Variants in PDS5B observed in about 807,000 individuals in gnomAD.
PDS5B encodes sister chromatid cohesion protein PDS5 homolog B.
A neutral mutation model predicts 184.1 loss-of-function variants in PDS5B; 51 were observed. The ratio of observed to expected loss-of-function variants is 0.28; its 90% confidence interval spans 0.22 to 0.35. The LOEUF is 0.35. Ranked by LOEUF, PDS5B falls within the 10% of genes least tolerant of loss-of-function variation. The pLI is 1.00. For synonymous variants in PDS5B, 566 were observed against 569.2 expected (o/e 0.99, Z 0.08); for missense variants, 1,180 against 1,723.3 (o/e 0.68, Z 5.58).
intron 24 of PDS5B, among the ~76,000 whole-genome samples, chr13:32,751,823 G>C (rs539997592): frequency 1.6e-3 from 245 of 152,068 alleles, no homozygotes; most frequent in Middle Eastern, 3.4e-3. Context: ...CTCTGTTGAT[G>C]GTTTGTTTCT....
intron 1 of PDS5B, among the ~76,000 whole-genome samples, chr13:32,625,862 G>A (rs1457392407): frequency 6.7e-6 from 1 of 148,438 alleles, no homozygotes; most frequent in Non-Finnish European, 1.5e-5. Context: ...TTTTGAGACA[G>A]GGTCTCGCTT....
At chr13:32,720,263 G>A (rs922483343) in intron 19 of PDS5B, among the ~76,000 whole-genome samples, 2 of 152,090 alleles carry the variant, frequency 1.3e-5, no homozygotes, top group Non-Finnish European at 2.9e-5. Flanking sequence ...AAGCAATTAT[G>A]TGATGCAACC....
At chr13:32,630,827 C>T (rs1277054385) in intron 1 of PDS5B, among the ~76,000 whole-genome samples, 8 of 151,264 alleles carry the variant, frequency 5.3e-5, no homozygotes, top group Admixed American at 5.3e-4. Flanking sequence ...CACTTCTGTC[C>T]AGGCTGGAGT....
chr13:32,595,912 G>A (rs1463555516), intron 1 of PDS5B, among the ~76,000 whole-genome samples: 3 of 152,060 alleles, frequency 2.0e-5, no homozygotes, highest in Non-Finnish European at 4.4e-5. Context: ...AGTTACTTTG[G>A]GATCTAGCAA....
At chr13:32,715,032 G>A (rs1176547524) in intron 19 of PDS5B, among the ~76,000 whole-genome samples, 1 of 152,204 alleles carries the variant, frequency 6.6e-6, no homozygotes, top group Non-Finnish European at 1.5e-5. Flanking sequence ...ACTAATAAAT[G>A]TCCATGAAAC....
intron 14 of PDS5B, 34 bp from the exon 15 acceptor site, chr13:32,696,820 A>G: frequency 6.6e-7 from 1 of 1,525,342 alleles, no homozygotes; most frequent in Non-Finnish European, 9.0e-7. Context: ...TTGTTAGGGA[A>G]TTTTAATTTT....
intron 24 of PDS5B, 60 bp from the exon 25 acceptor site, chr13:32,753,272 C>A: frequency 7.3e-7 from 1 of 1,373,796 alleles, no homozygotes; most frequent in Non-Finnish European, 1.0e-6. Context: ...AATTTTATAT[C>A]TGAAGTTGTT....
chr13:32,589,724 G>A (rs897084451), intron 1 of PDS5B, among the ~76,000 whole-genome samples: 1 of 152,026 alleles, frequency 6.6e-6, no homozygotes, highest in Non-Finnish European at 1.5e-5. Context: ...ATTCCTGTTC[G>A]GGAATGTTAA....
At chr13:32,689,249 A>T (rs1017738345) in intron 13 of PDS5B, 1 of 152,180 alleles carries the variant, frequency 6.6e-6, no homozygotes, top group African/African-American at 2.4e-5. Context: ...TTAAATGTTG[A>T]GAAATTTGAG....
At chr13:32,596,148 T>C (rs532469454) in intron 1 of PDS5B, among the ~76,000 whole-genome samples, 1 of 152,364 alleles carries the variant, frequency 6.6e-6, no homozygotes, top group East Asian at 1.9e-4. Flanking sequence ...ATTATACACA[T>C]GTAACCAATA....
intron 1 of PDS5B, among the ~76,000 whole-genome samples, chr13:32,646,374 T>C (rs1460461988): frequency 1.8e-5 from 1 of 56,734 alleles, no homozygotes; most frequent in Admixed American, 1.7e-4. Context: ...GCTGTGTTTT[T>C]TTTTTTTTTT....
In PDS5B at chr13:32,741,041, A is replaced by G. The variant is rs530802777; in HGVS notation, c.2407-39A>G. The G allele has an allele frequency of 2.1e-4, 232 of 1,126,832 alleles. 3 individuals are homozygous for G. The East Asian group carries it at 5.4e-3, about 26-fold the overall frequency. The allele number at this position is 1,126,832 out of a possible 1,614,324, so 69.8% of individuals were successfully genotyped here. The stretch of plus-strand genomic sequence containing the variant: ...TGAAAAGAATTCATATTTACATTTT[A>G]AAGTCCCTGGTTTTTTTTTTTTTCT... On this transcript the variant is annotated intron_variant, in intron 21 of 34. Transcript: ENST00000315596.
intron 14 of PDS5B, 64 bp from the exon 15 acceptor site, chr13:32,696,790 C>A: frequency 8.9e-7 from 1 of 1,126,542 alleles, no homozygotes; most frequent in Non-Finnish European, 1.3e-6. Flanking sequence ...TAATTTTTTG[C>A]AGAGTATGAT....
At chr13:32,628,824 A>G (rs1368486411) in intron 1 of PDS5B, among the ~76,000 whole-genome samples, 1 of 152,056 alleles carries the variant, frequency 6.6e-6, no homozygotes, top group Non-Finnish European at 1.5e-5. Context: ...GTAAAGATTT[A>G]CCACACTTCA....
intron 6 of PDS5B, among the ~76,000 whole-genome samples, chr13:32,659,876 T>C (rs558937705): frequency 4.3e-4 from 66 of 152,244 alleles, no homozygotes; most frequent in African/African-American, 1.6e-3. Context: ...TGTGCAAATA[T>C]AAGACCTCTC....
intron 1 of PDS5B, among the ~76,000 whole-genome samples, chr13:32,640,527 G>C (rs959324269): frequency 2.7e-5 from 4 of 149,346 alleles, no homozygotes; most frequent in Non-Finnish European, 4.5e-5. Flanking sequence ...GATTACAGGC[G>C]TGAGCCACTG....
chr13:32,745,495 A>G (rs926202566), intron 23 of PDS5B, among the ~76,000 whole-genome samples: 2 of 152,348 alleles, frequency 1.3e-5, no homozygotes, highest in Admixed American at 6.5e-5. Flanking sequence ...TATGGTGTTC[A>G]GTATTGCTAA....
At chr13:32,763,753 A>G (rs2224883) in intron 30 of PDS5B, among the ~76,000 whole-genome samples, 58,976 of 151,954 alleles carry the variant, frequency 0.39, 11,960 homozygotes, top group Non-Finnish European at 0.45. Flanking sequence ...GGGGAAGTGG[A>G]AATAAGAAGA....
chr13:32,588,026 C>T (rs1424440461), intron 1 of PDS5B, among the ~76,000 whole-genome samples: 3 of 152,098 alleles, frequency 2.0e-5, no homozygotes, highest in Admixed American at 6.5e-5. Context: ...TTAACACATC[C>T]CGAGTTCCCA....
Sources: gnomAD v4.1 joint callset for allele counts (sites outside exome capture counted in the v4.1 genomes callset) on GRCh38, gnomAD v4.1.1 for gene constraint, MANE v1.5 for transcripts, NCBI Gene and HGNC (gene_info 2026-07-23, HGNC 2026-07-21) for gene names.